The following IL1RAPL1 variants were observed in gnomAD, a reference collection of about 807,000 sequenced individuals.
IL1RAPL1 encodes the protein interleukin 1 receptor accessory protein like 1, also known as interleukin-1 receptor accessory protein-like 1.
IL1RAPL1 carries 3 observed loss-of-function variants against 48.4 expected under a neutral mutation model. The ratio of observed to expected loss-of-function variants is 0.06; its 90% confidence interval spans 0.03 to 0.16. The LOEUF is 0.16. IL1RAPL1 is among the 10% of genes least tolerant of loss of function. IL1RAPL1 has a pLI of 1.00. For synonymous variants in IL1RAPL1, 185 were observed against 187.7 expected, an observed-to-expected ratio of 0.99 and a Z score of 0.12; for missense variants, 349 against 530.6, an observed-to-expected ratio of 0.66 and a Z score of 3.36.
intron 5 of IL1RAPL1, among the ~76,000 whole-genome samples, chrX:29,561,732 C>T (rs932260643): frequency 2.7e-5 from 3 of 111,300 alleles, no homozygotes; most frequent in East Asian, 2.8e-4. Flanking sequence ...TTTTTTCTCC[C>T]ATGGTGCGTT....
chrX:29,774,229 G>T (rs1241586155), intron 6 of IL1RAPL1, among the ~76,000 whole-genome samples: 2 of 108,756 alleles, frequency 1.8e-5, no homozygotes, highest in African/African-American at 6.7e-5. Context: ...CTTTATAAAG[G>T]TGATTTTATC....
At chrX:28,972,181 A>C (rs1356811142) in intron 2 of IL1RAPL1, among the ~76,000 whole-genome samples, 1 of 111,169 alleles carries the variant, frequency 9.0e-6, no homozygotes, top group Non-Finnish European at 1.9e-5. Flanking sequence ...TCCTTATTTA[A>C]AAGCAGTCCA....
chrX:28,922,235 GGCTAAT>G (rs1344206907), intron 2 of IL1RAPL1, among the ~76,000 whole-genome samples: 2 of 111,777 alleles, frequency 1.8e-5, no homozygotes, highest in Non-Finnish European at 3.8e-5. Flanking sequence ...CATTTCAAAA[GGCTAAT>G]GCCAAATTTT....
chrX:28,670,652 C>A (rs1934938799), intron 1 of IL1RAPL1, among the ~76,000 whole-genome samples: 1 of 112,083 alleles, frequency 8.9e-6, no homozygotes, highest in African/African-American at 3.2e-5. Context: ...AGCATTATTG[C>A]TTTCAACCAA....
intron 5 of IL1RAPL1, among the ~76,000 whole-genome samples, chrX:29,566,886 G>T (rs934137057): frequency 9.0e-6 from 1 of 111,533 alleles, no homozygotes; most frequent in Admixed American, 9.5e-5. Context: ...GAGCCACTGG[G>T]CAAATTCCTG....
At chrX:29,215,626 C>A (rs1272896336) in intron 2 of IL1RAPL1, among the ~76,000 whole-genome samples, 1 of 110,377 alleles carries the variant, frequency 9.1e-6, no homozygotes, top group Non-Finnish European at 1.9e-5. Flanking sequence ...GACACAAGGG[C>A]AAAATATTCT....
At chrX:29,098,019 A>G (rs1186294456) in intron 2 of IL1RAPL1, among the ~76,000 whole-genome samples, 4 of 112,179 alleles carry the variant, frequency 3.6e-5, no homozygotes, top group Non-Finnish European at 7.5e-5. Context: ...TATTCACTTT[A>G]CCCAATTTAC....
At chrX:29,406,055 G>A (rs1201275719) in intron 5 of IL1RAPL1, among the ~76,000 whole-genome samples, 2 of 111,304 alleles carry the variant, frequency 1.8e-5, no homozygotes, top group East Asian at 5.7e-4. Flanking sequence ...ACCATCAAAG[G>A]GCTTCTTCAT....
intron 2 of IL1RAPL1, among the ~76,000 whole-genome samples, chrX:28,972,298 AC>A (rs1925096990): frequency 8.9e-6 from 1 of 112,106 alleles, no homozygotes; most frequent in African/African-American, 3.2e-5. Context: ...TAGACATAAA[AC>A]ATGAGTATCT....
intron 1 of IL1RAPL1, among the ~76,000 whole-genome samples, chrX:28,644,621 C>T (rs768106714): frequency 3.6e-5 from 4 of 111,204 alleles, no homozygotes; most frequent in Non-Finnish European, 7.5e-5. Context: ...GCTTGTCAGC[C>T]TGCATAATCC....
intron 2 of IL1RAPL1, among the ~76,000 whole-genome samples, chrX:28,894,576 G>A (rs1021591426): frequency 1.8e-5 from 2 of 111,433 alleles, no homozygotes; most frequent in South Asian, 3.8e-4. Flanking sequence ...GAGCCGGGGA[G>A]CAGAAAGTAT....
chrX:28,644,465 A>T (rs1174952056), intron 1 of IL1RAPL1, among the ~76,000 whole-genome samples: 1 of 111,535 alleles, frequency 9.0e-6, no homozygotes, highest in East Asian at 2.8e-4. Context: ...TTATGAGTGG[A>T]TACTACATAA....
intron 3 of IL1RAPL1, among the ~76,000 whole-genome samples, chrX:29,336,010 A>G (rs1380510913): frequency 9.2e-6 from 1 of 108,189 alleles, no homozygotes; most frequent in Non-Finnish European, 1.9e-5. Flanking sequence ...ATGGAAATAT[A>G]TCTCAATTAT....
At chrX:29,035,531 T>C (rs924671517) in intron 2 of IL1RAPL1, among the ~76,000 whole-genome samples, 1 of 111,162 alleles carries the variant, frequency 9.0e-6, no homozygotes, top group Non-Finnish European at 1.9e-5. Flanking sequence ...AAAATGTTAA[T>C]GTAGGAAGGC....
chrX:29,166,332 A>C (rs1035843009), intron 2 of IL1RAPL1, among the ~76,000 whole-genome samples: 3 of 112,003 alleles, frequency 2.7e-5, no homozygotes, highest in African/African-American at 9.7e-5. Context: ...TGCACAACCT[A>C]TTTTATTTGA....
chrX:29,887,007 T>C (rs1053861692), intron 6 of IL1RAPL1, among the ~76,000 whole-genome samples: 6 of 112,004 alleles, frequency 5.4e-5, no homozygotes, highest in African/African-American at 1.9e-4. Context: ...TGAAATCCCC[T>C]GTATGTTACT....
In IL1RAPL1 at chrX:28,654,396, TA is replaced by T. The variant is rs960669662; in HGVS notation, c.-25+66357del. Reference sequence around the variant, plus strand: ...ATCCCCATTGAAAAATTACTTTAAATAAAAAAAACCTCTCCAATGACTTTTA... The same window carrying T: ...ATCCCCATTGAAAAATTACTTTAAATAAAAAAACCTCTCCAATGACTTTTA... On this transcript the variant is annotated intron_variant, in intron 1 of 10. Transcript: ENST00000378993. 2.0e-3 allele frequency among the ~76,000 whole-genome samples: 225 copies of T among 111,077 alleles called. 1 individual carries two copies. Among genetic ancestry groups the T allele is most frequent in the African/African-American group, 7.0e-3 (213 of 30,629 alleles).
At chrX:29,884,355 G>A (rs1346440154) in intron 6 of IL1RAPL1, among the ~76,000 whole-genome samples, 3 of 110,385 alleles carry the variant, frequency 2.7e-5, no homozygotes, top group Non-Finnish European at 3.8e-5. Flanking sequence ...TACTTGCCCC[G>A]AGAGCTGCAC....
intron 1 of IL1RAPL1, among the ~76,000 whole-genome samples, chrX:28,762,823 C>CAGAGAG (rs146402299): frequency 6.5e-4 from 24 of 36,772 alleles, no homozygotes; most frequent in African/African-American, 1.5e-3. Flanking sequence ...CACACACACA[C>CAGAGAG]AGAGAGAGAG....
Sources: gnomAD v4.1 joint callset for allele counts (sites outside exome capture counted in the v4.1 genomes callset) on GRCh38, gnomAD v4.1.1 for gene constraint, MANE v1.5 for transcripts, NCBI Gene and HGNC (gene_info 2026-07-23, HGNC 2026-07-21) for gene names.